KSR2: variants seen among roughly 807,000 people sequenced by gnomAD.
The protein encoded by KSR2 is kinase suppressor of ras 2.
Under a neutral mutation model 107.8 loss-of-function variants are expected in KSR2, and 25 were observed. The ratio of observed to expected loss-of-function variants is 0.23; its 90% CI spans 0.17 to 0.32. KSR2 has a LOEUF of 0.32. KSR2 is among the 10% of genes least tolerant of loss of function. The probability of loss-of-function intolerance (pLI) is 1.00; values close to 1 mark genes in which losing one functional copy is unlikely to be tolerated. For missense variants in KSR2, 887 were observed against 1,268.9 expected, an observed-to-expected ratio of 0.70 and a Z score of 4.57; for synonymous variants, 480 against 507.0, an observed-to-expected ratio of 0.95 and a Z score of 0.71.
At chr12:117,961,510 G>A (rs1896654874) in intron 1 of KSR2, among the ~76,000 whole-genome samples, 1 of 152,122 alleles carries the variant, frequency 6.6e-6, no homozygotes, top group South Asian at 2.1e-4. Context: ...CAACTCCAGT[G>A]GAAGTAACAT....
At chr12:117,709,816 A>G (rs1314594593) in intron 4 of KSR2, among the ~76,000 whole-genome samples, 1 of 152,216 alleles carries the variant, frequency 6.6e-6, no homozygotes. Flanking sequence ...ATCTGCCCAC[A>G]CAATGCCAGT....
intron 4 of KSR2, among the ~76,000 whole-genome samples, chr12:117,704,873 G>A: frequency 6.8e-6 from 1 of 146,820 alleles, no homozygotes. Context: ...AAAAAAAAAA[G>A]TACACAATGA....
chr12:117,956,198 C>T (rs1896509583), intron 1 of KSR2, among the ~76,000 whole-genome samples: 1 of 135,232 alleles, frequency 7.4e-6, no homozygotes. Context: ...TGCAGTGAGC[C>T]GAGATTGAGC....
chr12:117,490,219 T>C (rs867663668), intron 14 of KSR2, among the ~76,000 whole-genome samples: 12 of 152,310 alleles, frequency 7.9e-5, no homozygotes, highest in Middle Eastern at 3.4e-3. Flanking sequence ...CTTGAGCCAT[T>C]AATTAGATAT....
Position 117,667,467 on chromosome 12 carries a change from G to A in KSR2, c.1171+7C>T. On this transcript the variant is annotated splice_region_variant and intron_variant, in intron 5 of 19. Coordinates refer to ENST00000339824, the MANE Select transcript of KSR2 (RefSeq NM_173598.6). ...CGTTCCCAGTGCAGCCCGGCAGGGTGACTTACTTGCAGAGAAGTTGGCCTC... is the reference window on the plus strand; with the variant it reads ...CGTTCCCAGTGCAGCCCGGCAGGGTAACTTACTTGCAGAGAAGTTGGCCTC... 1.9e-6 allele frequency: 3 copies of A among 1,608,134 alleles called. No individual in the cohort carries two copies. Among genetic ancestry groups the A allele is most frequent in the Non-Finnish European group, 1.7e-6 (2 of 1,177,768 alleles).
intron 1 of KSR2, among the ~76,000 whole-genome samples, chr12:117,955,519 A>G (rs1212396821): frequency 1.3e-5 from 2 of 152,068 alleles, no homozygotes; most frequent in Non-Finnish European, 2.9e-5. Context: ...AACCCAAACA[A>G]TCTCACCTCA....
chr12:117,568,118 C>T (rs1878646207), intron 7 of KSR2, among the ~76,000 whole-genome samples: 1 of 152,132 alleles, frequency 6.6e-6, no homozygotes, highest in African/African-American at 2.4e-5. Flanking sequence ...ACCCCCAGCA[C>T]TTTTCTCTCC....
At chr12:117,758,419 GTGGTCCCACGGCATTT>G (rs1888872050) in intron 4 of KSR2, among the ~76,000 whole-genome samples, 1 of 152,132 alleles carries the variant, frequency 6.6e-6, no homozygotes, top group Admixed American at 6.6e-5. Flanking sequence ...CCCAGGCTAA[GTGGTCCCACGGCATTT>G]TCCACATCAC....
At chr12:117,964,507 C>T (rs1382385378) in intron 1 of KSR2, among the ~76,000 whole-genome samples, 2 of 152,184 alleles carry the variant, frequency 1.3e-5, no homozygotes, top group Admixed American at 6.5e-5. Context: ...TAGGGTTCTA[C>T]AGAACATACT....
At chr12:117,967,313 C>T (rs1896827735) in intron 1 of KSR2, among the ~76,000 whole-genome samples, 1 of 152,168 alleles carries the variant, frequency 6.6e-6, no homozygotes, top group South Asian at 2.1e-4. Flanking sequence ...AACTCCTCCT[C>T]CCCGACCCCT....
rs2137084694 is a variant in KSR2, at chr12:117,454,965, A to G, written c.*12234T>C. On this transcript the variant is annotated 3_prime_UTR_variant, in exon 20 of 20. Transcript: ENST00000339824. The stretch of plus-strand genomic sequence containing the variant: ...CTTCAGGACCCAATGCAGGGCACTA[A>G]GAAATAGAGACACATCCTTCACTGT... 6.6e-6 allele frequency: 1 copy of G among 152,232 alleles called. No homozygotes were observed. The highest frequency in any genetic ancestry group is 2.4e-5 in the African/African-American group (1 of 41,482). 9.4% of individuals were successfully genotyped at this position (152,232 alleles called of 1,614,324 possible).
At chr12:117,910,540 A>G (rs1358540817) in intron 1 of KSR2, among the ~76,000 whole-genome samples, 1 of 152,150 alleles carries the variant, frequency 6.6e-6, no homozygotes, top group Non-Finnish European at 1.5e-5. Context: ...GCCCTCAAAG[A>G]GCCCCAAGTC....
chr12:117,704,629 A>G (rs1886450271), intron 4 of KSR2, among the ~76,000 whole-genome samples: 1 of 152,188 alleles, frequency 6.6e-6, no homozygotes, highest in Non-Finnish European at 1.5e-5. Flanking sequence ...GAGGCCAAGC[A>G]GGTGGATCAC....
chr12:117,562,918 T>C (rs567701357), intron 7 of KSR2, among the ~76,000 whole-genome samples: 6 of 152,278 alleles, frequency 3.9e-5, no homozygotes, highest in African/African-American at 1.2e-4. Context: ...TAGGTTCAGA[T>C]GTCAAGAACG....
chr12:117,727,767 G>A (rs1407147234), intron 4 of KSR2, among the ~76,000 whole-genome samples: 1 of 152,174 alleles, frequency 6.6e-6, no homozygotes, highest in East Asian at 1.9e-4. Flanking sequence ...GTTGTTTTAA[G>A]TCACCACGTT....
chr12:117,908,177 CAT>C (rs1894912571), intron 1 of KSR2, among the ~76,000 whole-genome samples: 1 of 151,592 alleles, frequency 6.6e-6, no homozygotes, highest in South Asian at 2.1e-4. Flanking sequence ...GAACTTATCA[CAT>C]ATCTCATATA....
chr12:117,731,672 C>T (rs1259540147), intron 4 of KSR2, among the ~76,000 whole-genome samples: 6 of 151,982 alleles, frequency 3.9e-5, no homozygotes, highest in African/African-American at 4.8e-5. Flanking sequence ...ATGGGAGACT[C>T]CATTTTGTTC....
chr12:117,621,853 G>T (rs1882215908), intron 5 of KSR2, among the ~76,000 whole-genome samples: 1 of 151,946 alleles, frequency 6.6e-6, no homozygotes, highest in African/African-American at 2.4e-5. Flanking sequence ...TCATAATGCA[G>T]ACCTTCTCCC....
At chr12:117,500,650 C>A (rs1873322623) in intron 14 of KSR2, among the ~76,000 whole-genome samples, 1 of 152,236 alleles carries the variant, frequency 6.6e-6, no homozygotes, top group African/African-American at 2.4e-5. Context: ...GGCTGAGGAA[C>A]AAGGGAATCA....
Sources: gnomAD v4.1 joint callset for allele counts (sites outside exome capture counted in the v4.1 genomes callset) on GRCh38, gnomAD v4.1.1 for gene constraint, MANE v1.5 for transcripts, NCBI Gene and HGNC (gene_info 2026-07-23, HGNC 2026-07-21) for gene names.